Variants in NAV2 observed in about 807,000 individuals in gnomAD.
NAV2 encodes neuron navigator 2, also known as helicase, APC down-regulated 1.
In NAV2, 54 loss-of-function variants were observed where a neutral mutation model predicts 223.2. The observed-to-expected ratio is 0.24, with a 90% CI of 0.19 to 0.30. The LOEUF (loss-of-function observed/expected upper bound fraction) is 0.30. NAV2 is among the 10% of genes least tolerant of loss of function. The pLI, the probability that NAV2 is intolerant of heterozygous loss-of-function variation, is 1.00. For synonymous variants in NAV2, 1,279 were observed against 1,239.3 expected (o/e 1.03, Z -0.67); for missense variants, 2,806 against 3,147.5 (o/e 0.89, Z 2.60).
At chr11:19,818,998 A>C (rs1215401652) in intron 1 of NAV2, among the ~76,000 whole-genome samples, 1 of 152,084 alleles carries the variant, frequency 6.6e-6, no homozygotes, top group Non-Finnish European at 1.5e-5. Context: ...AACATTCACC[A>C]GTCTGTTTAC....
At chr11:20,005,253 A>ATATATTTTTTTTTT (rs1277010848) in intron 11 of NAV2, among the ~76,000 whole-genome samples, 2 of 134,540 alleles carry the variant, frequency 1.5e-5, no homozygotes, top group African/African-American at 2.8e-5. Context: ...ATATATATAT[A>ATATATTTTTTTTTT]TTTTTTTTTT....
intron 1 of NAV2, among the ~76,000 whole-genome samples, chr11:19,747,434 G>C (rs1271031988): frequency 6.6e-6 from 1 of 152,158 alleles, no homozygotes; most frequent in East Asian, 1.9e-4. Flanking sequence ...GGCTTAGAGA[G>C]GTTGAATCAG....
intron 1 of NAV2, among the ~76,000 whole-genome samples, chr11:19,644,830 A>G (rs950073595): frequency 1.3e-5 from 2 of 152,202 alleles, no homozygotes; most frequent in African/African-American, 4.8e-5. Context: ...CCAGAGCACA[A>G]AGGTATGGAC....
rs536192808 is a variant in NAV2 at position 19,949,091 on chromosome 11, G to T, written c.2645+11G>T. 1.9e-6 allele frequency: 3 copies of T among 1,571,272 alleles called. No individual in the cohort carries two copies. Among genetic ancestry groups the T allele is most frequent in the African/African-American group, 2.7e-5 (2 of 73,722 alleles). ...TGACATTACAAGCGGGTAAGTACCC[G>T]GGGCCGCCCTTTCTCCCAGAGAGAA... is the stretch of plus-strand genomic sequence containing the variant. On this transcript the variant is annotated intron_variant, in intron 10 of 37. Transcript: ENST00000349880.
chr11:19,995,198 T>C (rs2584845), intron 11 of NAV2, among the ~76,000 whole-genome samples: 152,138 of 152,354 alleles, frequency 1, 75,963 homozygotes, highest in Middle Eastern at 1. Context: ...TTAAGGTCCT[T>C]GAGCTCCTGT....
At chr11:19,881,062 G>T (rs1392230134) in intron 5 of NAV2, among the ~76,000 whole-genome samples, 1 of 152,054 alleles carries the variant, frequency 6.6e-6, no homozygotes, top group Non-Finnish European at 1.5e-5. Context: ...TAATCATAAG[G>T]CTTCTCACAC....
At chr11:20,000,296 G>T (rs2052416416) in intron 11 of NAV2, among the ~76,000 whole-genome samples, 1 of 152,186 alleles carries the variant, frequency 6.6e-6, no homozygotes, top group Non-Finnish European at 1.5e-5. Context: ...GAACATGAAA[G>T]GGTTTATGAC....
intron 1 of NAV2, among the ~76,000 whole-genome samples, chr11:19,587,066 C>A (rs2045924485): frequency 1.3e-5 from 2 of 152,224 alleles, no homozygotes; most frequent in South Asian, 2.1e-4. Flanking sequence ...CCTACTCAAG[C>A]CTCAGCAATG....
chr11:19,448,044 G>A (rs1851650402), intron 1 of NAV2, among the ~76,000 whole-genome samples: 1 of 152,182 alleles, frequency 6.6e-6, no homozygotes, highest in South Asian at 2.1e-4. Flanking sequence ...GTGCTGTCAT[G>A]GCCCAGCCCT....
chr11:19,707,164 T>G (rs904898742), intron 1 of NAV2, among the ~76,000 whole-genome samples: 5 of 152,228 alleles, frequency 3.3e-5, no homozygotes, highest in Admixed American at 6.5e-5. Flanking sequence ...TGCTGTACAC[T>G]ATTGCAGAGT....
At chr11:19,979,028 T>C (rs1444181100) in intron 10 of NAV2, 3 of 152,214 alleles carry the variant, frequency 2.0e-5, no homozygotes, top group Non-Finnish European at 4.4e-5. Context: ...ATAGCTAGTG[T>C]CAGTTACCAA....
At chr11:19,816,335 A>G (rs1405408000) in intron 1 of NAV2, among the ~76,000 whole-genome samples, 1 of 152,170 alleles carries the variant, frequency 6.6e-6, no homozygotes, top group Non-Finnish European at 1.5e-5. Context: ...TTGCTACACA[A>G]CTTTCCCACA....
In NAV2 at chr11:19,364,678, G is replaced by A. The variant is rs530556075; in HGVS notation, c.75+13651G>A. Among the ~76,000 whole-genome samples, 166 of 152,314 alleles carry A rather than the reference G, an allele frequency of 1.1e-3. 2 individuals are homozygous for A. Among genetic ancestry groups the A allele is most frequent in the African/African-American group, 3.9e-3 (162 of 41,552 alleles). Reference sequence around the variant, plus strand: ...ACTATTGGAGCACAGGACTGCAAGAGGGATACAGTGACCTGGAGCAGACAG... The same window carrying A: ...ACTATTGGAGCACAGGACTGCAAGAAGGATACAGTGACCTGGAGCAGACAG... On this transcript the variant is annotated intron_variant, in intron 1 of 37. Coordinates refer to the NAV2 transcript ENST00000360655.
intron 1 of NAV2, among the ~76,000 whole-genome samples, chr11:19,694,962 G>T (rs1232161024): frequency 6.6e-6 from 1 of 152,168 alleles, no homozygotes; most frequent in Non-Finnish European, 1.5e-5. Context: ...AGGCGGGTGT[G>T]ACCTGATACT....
chr11:19,691,563 T>TTA (rs1554996718), intron 1 of NAV2, among the ~76,000 whole-genome samples: 1 of 152,074 alleles, frequency 6.6e-6, no homozygotes, highest in African/African-American at 2.4e-5. Context: ...TTATTTTTAT[T>TTA]TTTATTTATT....
chr11:19,755,955 G>T (rs761304310), intron 1 of NAV2, among the ~76,000 whole-genome samples: 1 of 152,198 alleles, frequency 6.6e-6, no homozygotes. Context: ...CAAGATAACT[G>T]CACAGCCTAG....
At chr11:20,027,205 T>G in intron 11 of NAV2, 1 of 925,988 alleles carries the variant, frequency 1.1e-6, no homozygotes, top group Non-Finnish European at 1.3e-6. Context: ...TGGTGGGAAA[T>G]GTAGGTAGCC....
At chr11:19,825,232 C>T (rs1032432661) in intron 1 of NAV2, among the ~76,000 whole-genome samples, 3 of 119,714 alleles carry the variant, frequency 2.5e-5, no homozygotes, top group African/African-American at 9.6e-5. Context: ...ATGGAGGTTG[C>T]AGTGAGCCAA....
At chr11:19,696,555 G>A (rs2049347519) in intron 1 of NAV2, among the ~76,000 whole-genome samples, 1 of 152,226 alleles carries the variant, frequency 6.6e-6, no homozygotes, top group African/African-American at 2.4e-5. Context: ...TCTCACAGTG[G>A]AGTCCTCAGC....
Sources: gnomAD v4.1 joint callset for allele counts (sites outside exome capture counted in the v4.1 genomes callset) on GRCh38, gnomAD v4.1.1 for gene constraint, MANE v1.5 for transcripts, NCBI Gene and HGNC (gene_info 2026-07-23, HGNC 2026-07-21) for gene names.